The following AGBL5 variants were observed in gnomAD, a reference collection of about 807,000 sequenced individuals.
The protein encoded by AGBL5 is AGBL carboxypeptidase 5, also known as cytosolic carboxypeptidase-like protein 5.
A neutral mutation model predicts 88.0 loss-of-function variants in AGBL5; 51 were observed. The observed-to-expected ratio is 0.58, with a 90% CI of 0.46 to 0.73. AGBL5 has a LOEUF of 0.73. Among genes scored for constraint, AGBL5 ranks in the 30% least tolerant of loss-of-function variants. AGBL5 has a pLI of 0.00. For missense variants in AGBL5, 1,031 were observed against 1,162.2 expected (o/e 0.89, Z 1.64); for synonymous variants, 446 against 438.8 (o/e 1.02, Z -0.21).
chr2:27,056,130 A>C lies in AGBL5; in HGVS notation c.1357A>C (p.Ser453Arg). 1 of 1,610,118 alleles carries C rather than the reference A, an allele frequency of 6.2e-7. No homozygotes were observed. The highest frequency in any genetic ancestry group is 8.5e-7 in the Non-Finnish European group (1 of 1,176,898). The stretch of plus-strand genomic sequence containing the variant: ...GTACGGAAACAGCTTTAGTGATGAG[A>C]GCACCCAGGTGGGAATCCTAAGAAT... ...FMYGNSFSDE[S>R]TQVENMLYPK... Residue 453 changes from serine (S) to arginine (R), a missense_variant, in exon 7 of 15, where the codon AGC becomes CGC. Ser to Arg is a moderately radical substitution (Grantham distance 110). Transcript: ENST00000360131.
In AGBL5 at chr2:27,055,662, C is replaced by A. The variant is rs1668389876; in HGVS notation, c.909-20C>A. On this transcript the variant is annotated intron_variant, in intron 6 of 14. Transcript: ENST00000360131. Reference sequence around the variant, plus strand: ...TGGCCCAGTCCTCTAGAACCTGCTTCAGTCCTTGTTTTCCTACAGCACAGA... The same window carrying A: ...TGGCCCAGTCCTCTAGAACCTGCTTAAGTCCTTGTTTTCCTACAGCACAGA... 1.2e-6 allele frequency: 2 copies of A among 1,602,832 alleles called. No homozygotes were observed. Among genetic ancestry groups the A allele is most frequent in the South Asian group, 1.1e-5 (1 of 90,466 alleles).
At chr2:27,054,376 A>C (rs745485583) in intron 4 of AGBL5, 1 of 558,476 alleles carries the variant, frequency 1.8e-6, no homozygotes, top group Non-Finnish European at 3.1e-6. Flanking sequence ...ACGGAGAACA[A>C]CTCCGACTAC....
chr2:27,069,299 T>A, intron 13 of AGBL5: 1 of 985,420 alleles, frequency 1.0e-6, no homozygotes, highest in Non-Finnish European at 1.2e-6. Flanking sequence ...GTTTCTCTAC[T>A]CACCCAGACC....
At chr2:27,068,486 T>C (rs1397991171) in intron 12 of AGBL5, 146 bp from the exon 13 acceptor site, 2 of 646,188 alleles carry the variant, frequency 3.1e-6, no homozygotes, top group African/African-American at 3.6e-5. Flanking sequence ...CTGCGAAACA[T>C]CCTACAATGC....
chr2:27,059,302 A>C lies in AGBL5; in HGVS notation c.1987A>C (p.Asn663His), dbSNP rs1395864366. The C allele has an allele frequency of 6.2e-7, 1 of 1,614,238 alleles. No individual in the cohort carries two copies. The highest frequency in any genetic ancestry group is 1.7e-5 in the Admixed American group (1 of 60,036). The change falls in exon 11 of 15, where the codon AAT becomes CAT. Residue 663 changes from asparagine (N) to histidine (H), a missense_variant. By Grantham distance (68) the Asn-to-His change is moderately conservative (BLOSUM62 1). Around this residue, in one of 2 missense-constraint regions of AGBL5, gnomAD observed 491 missense variants for 484.0 expected, o/e 1.01. Transcript: ENST00000360131. ...CCAACAAAATTCTCCACAGATGAAG[A>C]ATTCCCCCAGCTTTCCTTTTCATGG... ...SSQQNSPQMK[N>H]SPSFPFHGSR... is the part of the protein sequence containing the mutation.
intron 8 of AGBL5, 153 bp downstream of exon 8, chr2:27,056,945 G>A (rs1038327159): frequency 2.7e-5 from 23 of 867,826 alleles, no homozygotes; most frequent in African/African-American, 8.6e-5. Flanking sequence ...GTGGCGAGCC[G>A]AGATCGTGCC....
rs1558418066 is a variant in AGBL5 at position 27,058,572 on chromosome 2, G to C, written c.1844G>C (p.Arg615Thr). 2 of 1,614,156 alleles carry C rather than the reference G, an allele frequency of 1.2e-6. No individual in the cohort carries two copies. The highest frequency in any genetic ancestry group is 1.1e-5 in the South Asian group (1 of 91,080). The change falls in exon 10 of 15, where the codon AGG (arginine) becomes ACG (threonine). Residue 615 changes from arginine to threonine, a missense_variant. By Grantham distance (71) the Arg-to-Thr change is moderately conservative. Coordinates refer to ENST00000360131, the MANE Select transcript of AGBL5 (RefSeq NM_021831.6). ...STLNVGVNKK[R>T]GLRTPPKSHN... ...CTGAATGTGGGTGTCAACAAGAAGA[G>C]GGGCCTTCGAACTCCACCCAAAAGT...
intron 11 of AGBL5, among the ~76,000 whole-genome samples, chr2:27,065,017 G>A (rs1668919885): frequency 6.6e-6 from 1 of 151,058 alleles, no homozygotes; most frequent in Non-Finnish European, 1.5e-5. Flanking sequence ...GCCTCCCAAA[G>A]TGGTGGGATT....
At chr2:27,061,394 G>A (rs1005219250) in intron 11 of AGBL5, among the ~76,000 whole-genome samples, 4 of 152,098 alleles carry the variant, frequency 2.6e-5, no homozygotes, top group South Asian at 2.1e-4. Flanking sequence ...ACGCCACCAC[G>A]TCTGGCTAAT....
upstream of AGBL5, among the ~76,000 whole-genome samples, chr2:27,050,426 C>T (rs1190150383): frequency 2.6e-5 from 4 of 152,246 alleles, no homozygotes; most frequent in Admixed American, 6.5e-5. Flanking sequence ...TTGCGCGTCG[C>T]GGTCGCAAAG....
chr2:27,063,589 C>T (rs1400858069), intron 11 of AGBL5, among the ~76,000 whole-genome samples: 3 of 52,960 alleles, frequency 5.7e-5, no homozygotes, highest in Non-Finnish European at 1.3e-4. Context: ...AGCGAGACTC[C>T]GTCTCAAAAA....
In AGBL5 at chr2:27,064,686, T is replaced by C. The variant is rs971956329; in HGVS notation, c.2090-2808T>C. On this transcript the variant is annotated intron_variant, in intron 11 of 14. Transcript: ENST00000360131. ...ATCCTGAGATCTCTCCCTTTCTTCTTTATTCATACAAGTATCGATTTTTTT... is the reference window on the plus strand; with the variant it reads ...ATCCTGAGATCTCTCCCTTTCTTCTCTATTCATACAAGTATCGATTTTTTT... 2.4e-4 allele frequency among the ~76,000 whole-genome samples: 36 copies of C among 151,996 alleles called. 1 individual carries two copies. The highest frequency in any genetic ancestry group is 2.1e-4 in the South Asian group (1 of 4,762).
chr2:27,054,886 T>C, intron 5 of AGBL5, 79 bp downstream of exon 5: 1 of 1,536,694 alleles, frequency 6.5e-7, no homozygotes, highest in Non-Finnish European at 8.8e-7. Context: ...GACTATGTTA[T>C]CTCTAGGCAT....
rs201486305 is a variant in AGBL5 at position 27,055,793 on chromosome 2, T to C, written c.1020T>C (p.Ser340=). Residue 340 remains serine (S), a synonymous_variant, in exon 7 of 15, where the codon TCT becomes TCC. Transcript: ENST00000360131. ...TGCTTCTCTACCACCATGTGCACTC[T>C]CGTCTGAACTCCCAGAGTTCCTCTG... ...KAVLLYHHVH[S]RLNSQSSSEH... The C allele has an allele frequency of 1.7e-5, 27 of 1,614,208 alleles. No individual in the cohort carries two copies. In the African/African-American group the frequency reaches 2.3e-4, roughly 14 times the overall value.
chr2:27,053,991 C>T lies in AGBL5; in HGVS notation c.483C>T (p.Tyr161=). 6.2e-7 allele frequency: 1 copy of T among 1,614,210 alleles called. No individual in the cohort carries two copies. The highest frequency in any genetic ancestry group is 8.5e-7 in the Non-Finnish European group (1 of 1,180,024). The change falls in exon 4 of 15, where the codon TAC becomes TAT. Residue 161 remains tyrosine (Y), a synonymous_variant. Transcript: ENST00000360131. This position sits in a 1 kb window ranked among gnomAD's most constrained non-coding sequence, Gnocchi z 4.9. ...TCGCCTTCTGCTACCCCTTCTCCTA[C>T]AGTGACTGCCAGGAACTGCTAAACC... ...TFFAFCYPFS[Y]SDCQELLNQL... is the part of the protein sequence containing the mutation.
At chr2:27,056,245 A>C in intron 7 of AGBL5, 107 bp downstream of exon 7, 1 of 1,254,636 alleles carries the variant, frequency 8.0e-7, no homozygotes, top group Non-Finnish European at 1.1e-6. Context: ...TTCTGGAAGG[A>C]AGGCCTGTGT....
Position 27,056,740 on chromosome 2 carries a change from A to G in AGBL5, c.1483A>G (p.Lys495Glu). 1 of 1,613,754 alleles carries G rather than the reference A, an allele frequency of 6.2e-7. No individual in the cohort carries two copies. The highest frequency in any genetic ancestry group is 8.5e-7 in the Non-Finnish European group (1 of 1,179,744). Reference sequence around the variant, plus strand: ...CCGAGACCGTAGAGATGGCCAGTCTAAAGAGGGAAGCGGCCGTGTTGCAAT... The same window carrying G: ...CCGAGACCGTAGAGATGGCCAGTCTGAAGAGGGAAGCGGCCGTGTTGCAAT... ...YARDRRDGQS[K>E]EGSGRVAIYK... Residue 495 changes from lysine (K) to glutamate (E), a missense_variant, in exon 8 of 15, where the codon AAA (lysine) becomes GAA (glutamate). By Grantham distance (56) the Lys-to-Glu change is moderately conservative. Coordinates refer to ENST00000360131, the MANE Select transcript of AGBL5 (RefSeq NM_021831.6).
chr2:27,059,318 C>T lies in AGBL5; in HGVS notation c.2003C>T (p.Pro668Leu). The change falls in exon 11 of 15, where the codon CCT becomes CTT. Residue 668 changes from proline (P) to leucine (L), a missense_variant. Around this residue, in one of 2 missense-constraint regions of AGBL5, gnomAD observed 491 missense variants for 484.0 expected, o/e 1.01. Coordinates refer to ENST00000360131, the MANE Select transcript of AGBL5 (RefSeq NM_021831.6). ...CAGATGAAGAATTCCCCCAGCTTTC[C>T]TTTTCATGGCAGTCGGCCTGCAGGG... ...SPQMKNSPSF[P>L]FHGSRPAGLP... 6.2e-7 allele frequency: 1 copy of T among 1,614,228 alleles called. No homozygotes were observed. The highest frequency in any genetic ancestry group is 1.3e-5 in the African/African-American group (1 of 75,062).
chr2:27,053,878 T>C lies in AGBL5; in HGVS notation c.388-18T>C. On this transcript the variant is annotated intron_variant, in intron 3 of 14. Coordinates refer to ENST00000360131, the MANE Select transcript of AGBL5 (RefSeq NM_021831.6). The surrounding 1 kb of genome is among the most constrained non-coding windows in gnomAD (Gnocchi z 4.9). ...ACAATGGCATGTTGCCCCTCCCTCTTCCTCCTCTGCTCTTCAGATGACAGA... is the reference window on the plus strand; with the variant it reads ...ACAATGGCATGTTGCCCCTCCCTCTCCCTCCTCTGCTCTTCAGATGACAGA... The C allele has an allele frequency of 1.2e-6, 2 of 1,603,862 alleles. No homozygotes were observed. The highest frequency in any genetic ancestry group is 1.7e-6 in the Non-Finnish European group (2 of 1,172,786).
Sources: allele counts gnomAD v4.1 joint callset (sites outside exome capture counted in the v4.1 genomes callset), GRCh38; gene constraint gnomAD v4.1.1; regional missense constraint gnomAD v4.1.1; non-coding constraint Gnocchi (gnomAD v3.1); transcripts MANE v1.5; gene names NCBI Gene and HGNC (gene_info 2026-07-23, HGNC 2026-07-21).